The following CSMD1 variants were observed in gnomAD, a reference collection of about 807,000 sequenced individuals.
CSMD1 encodes the protein CUB and sushi domain-containing protein 1.
Under a neutral mutation model 417.5 loss-of-function variants are expected in CSMD1, and 213 were observed. The ratio of observed to expected loss-of-function variants is 0.51; its 90% CI spans 0.46 to 0.57. The LOEUF is 0.57. Among genes scored for constraint, CSMD1 ranks in the 20% least tolerant of loss-of-function variants. CSMD1 has a pLI of 0.00. For synonymous variants in CSMD1, 2,862 were observed against 1,736.8 expected (o/e 1.65, Z -16.11); for missense variants, 6,923 against 4,529.7 (o/e 1.53, Z -15.17).
At chr8:3,929,751 T>C (rs1057460609) in intron 5 of CSMD1, among the ~76,000 whole-genome samples, 3 of 149,736 alleles carry the variant, frequency 2.0e-5, no homozygotes, top group Admixed American at 2.0e-4. Flanking sequence ...AACCTCAGCC[T>C]CCTGGATACA....
At chr8:4,101,470 G>T (rs1468566342) in intron 3 of CSMD1, among the ~76,000 whole-genome samples, 2 of 152,142 alleles carry the variant, frequency 1.3e-5, no homozygotes, top group East Asian at 1.9e-4. Flanking sequence ...AAAACAAAAG[G>T]TCTCCATGGT....
intron 23 of CSMD1, among the ~76,000 whole-genome samples, chr8:3,326,250 G>C (rs1214503120): frequency 6.6e-6 from 1 of 152,206 alleles, no homozygotes; most frequent in Admixed American, 6.5e-5. Context: ...TAAGAGACTG[G>C]AATATATGCC....
intron 12 of CSMD1, among the ~76,000 whole-genome samples, chr8:3,430,087 A>C (rs903338784): frequency 8.5e-5 from 13 of 152,228 alleles, no homozygotes; most frequent in African/African-American, 3.1e-4. Context: ...ATGCATATAT[A>C]CATATATACA....
intron 2 of CSMD1, among the ~76,000 whole-genome samples, chr8:4,433,556 G>C (rs909777498): frequency 6.6e-6 from 1 of 152,162 alleles, no homozygotes; most frequent in African/African-American, 2.4e-5. Flanking sequence ...TGTGGAAGCA[G>C]ACATGTGCTG....
intron 1 of CSMD1, among the ~76,000 whole-genome samples, chr8:4,801,542 A>C (rs767129972): frequency 6.6e-6 from 1 of 152,100 alleles, no homozygotes; most frequent in Non-Finnish European, 1.5e-5. Context: ...AATTAGAAAC[A>C]AATCTTTTCT....
Position 4,506,520 on chromosome 8 carries a change from G to T in CSMD1, c.303-86455C>A, listed in dbSNP as rs192956565. 3.7e-3 allele frequency among the ~76,000 whole-genome samples: 567 copies of T among 152,252 alleles called. 2 individuals carry two copies. Among genetic ancestry groups the T allele is most frequent in the South Asian group, 0.019 (90 of 4,818 alleles). On this transcript the variant is annotated intron_variant, in intron 2 of 69. Coordinates refer to ENST00000635120, the MANE Select transcript of CSMD1 (RefSeq NM_033225.6). ...ACAATGGCGGATGGCAGGAGGCGGG[G>T]TTGGGGATGGGAGGACCCAGTGGAA...
chr8:3,626,080 C>T (rs897449523), intron 7 of CSMD1, among the ~76,000 whole-genome samples: 2 of 152,134 alleles, frequency 1.3e-5, no homozygotes, highest in African/African-American at 4.8e-5. Flanking sequence ...CCTGGAGAAT[C>T]GTCCTCATCA....
intron 7 of CSMD1, among the ~76,000 whole-genome samples, chr8:3,664,373 C>G (rs1057426341): frequency 5.3e-5 from 8 of 152,176 alleles, no homozygotes; most frequent in Non-Finnish European, 1.2e-4. Context: ...TACAATGAAG[C>G]TTTTTCTGCT....
intron 1 of CSMD1, among the ~76,000 whole-genome samples, chr8:4,888,656 C>A (rs1278447481): frequency 1.3e-5 from 2 of 152,072 alleles, no homozygotes; most frequent in Non-Finnish European, 2.9e-5. Context: ...CCATAAATAT[C>A]ATTTGCCAAC....
intron 5 of CSMD1, among the ~76,000 whole-genome samples, chr8:3,920,133 A>G (rs868575758): frequency 6.6e-6 from 1 of 152,050 alleles, no homozygotes; most frequent in Non-Finnish European, 1.5e-5. Context: ...TTCCACACTC[A>G]GGTGATCTTC....
intron 5 of CSMD1, among the ~76,000 whole-genome samples, chr8:3,841,383 C>G (rs1803122799): frequency 6.6e-6 from 1 of 152,142 alleles, no homozygotes; most frequent in African/African-American, 2.4e-5. Context: ...TTCTCAACCT[C>G]AAGCAATGTG....
At chr8:4,870,602 G>C (rs953958656) in intron 1 of CSMD1, among the ~76,000 whole-genome samples, 14 of 152,124 alleles carry the variant, frequency 9.2e-5, no homozygotes, top group Admixed American at 9.2e-4. Context: ...CAAGCTTTCA[G>C]TGTGGATACT....
intron 2 of CSMD1, among the ~76,000 whole-genome samples, chr8:4,504,665 A>T (rs1185792556): frequency 6.6e-6 from 1 of 151,962 alleles, no homozygotes. Flanking sequence ...CCAGTGTGTG[A>T]TGTTCCCCTC....
chr8:3,735,380 A>T (rs1382531820), intron 6 of CSMD1, among the ~76,000 whole-genome samples: 2 of 152,190 alleles, frequency 1.3e-5, no homozygotes, highest in Admixed American at 1.3e-4. Flanking sequence ...TTAATCCTGG[A>T]AGTTGAGCAA....
chr8:4,325,058 C>G (rs140304879), intron 3 of CSMD1, among the ~76,000 whole-genome samples: 1,874 of 152,224 alleles, frequency 0.012, 44 homozygotes, highest in African/African-American at 0.043. Context: ...CTTGTAGTTA[C>G]GCATCCAGTG....
At chr8:4,809,605 T>C (rs1798782568) in intron 1 of CSMD1, among the ~76,000 whole-genome samples, 1 of 152,200 alleles carries the variant, frequency 6.6e-6, no homozygotes, top group South Asian at 2.1e-4. Context: ...GGTAAAGCTG[T>C]GCTCTCCAGT....
chr8:4,527,847 A>C (rs1262206858), intron 2 of CSMD1, among the ~76,000 whole-genome samples: 4 of 152,242 alleles, frequency 2.6e-5, no homozygotes, highest in Admixed American at 2.6e-4. Flanking sequence ...CTGTGTCTTT[A>C]AATGGAATGA....
chr8:3,448,582 T>C (rs1815484653), intron 12 of CSMD1, among the ~76,000 whole-genome samples: 1 of 151,936 alleles, frequency 6.6e-6, no homozygotes, highest in Non-Finnish European at 1.5e-5. Context: ...TTGCTGTAAG[T>C]CCATGAGTAC....
intron 5 of CSMD1, among the ~76,000 whole-genome samples, chr8:3,973,300 G>T (rs892386598): frequency 2.0e-4 from 30 of 152,092 alleles, no homozygotes; most frequent in African/African-American, 7.2e-4. Flanking sequence ...ACCTGCCGAG[G>T]GATTTGAATA....
Sources: allele counts gnomAD v4.1 joint callset (sites outside exome capture counted in the v4.1 genomes callset), GRCh38; gene constraint gnomAD v4.1.1; transcripts MANE v1.5; gene names NCBI Gene and HGNC (gene_info 2026-07-23, HGNC 2026-07-21).